Variants in BABAM2 observed in about 807,000 individuals in gnomAD.
BABAM2 encodes the protein BRISC and BRCA1-A complex member 2.
A neutral mutation model predicts 54.7 loss-of-function variants in BABAM2; 31 were observed. That is an observed-to-expected ratio of 0.57 (90% CI 0.43 to 0.77). The LOEUF (loss-of-function observed/expected upper bound fraction) is 0.77, where lower values mean the gene tolerates loss of function less well. BABAM2 is among the 30% of genes least tolerant of loss of function. The pLI is 0.00. For synonymous variants in BABAM2, 167 were observed against 162.9 expected (o/e 1.03, Z -0.19); for missense variants, 364 against 455.8 (o/e 0.80, Z 1.83).
chr2:28,140,601 A>G (rs1296533037), intron 7 of BABAM2, among the ~76,000 whole-genome samples: 1 of 152,206 alleles, frequency 6.6e-6, no homozygotes, highest in Non-Finnish European at 1.5e-5. Context: ...TTAGCATTTC[A>G]TATTAATAAA....
At chr2:28,258,239 T>C (rs1259751872) in intron 10 of BABAM2, among the ~76,000 whole-genome samples, 1 of 152,168 alleles carries the variant, frequency 6.6e-6, no homozygotes, top group Non-Finnish European at 1.5e-5. Context: ...TTGAACGTAA[T>C]TCAAGTGCAA....
At chr2:28,283,816 G>A (rs937312553) in intron 10 of BABAM2, among the ~76,000 whole-genome samples, 1 of 152,174 alleles carries the variant, frequency 6.6e-6, no homozygotes, top group African/African-American at 2.4e-5. Flanking sequence ...GAGTCATTTA[G>A]AAAGGGATAG....
chr2:28,148,848 G>A (rs925902620), intron 7 of BABAM2, among the ~76,000 whole-genome samples: 2 of 152,234 alleles, frequency 1.3e-5, no homozygotes, highest in Non-Finnish European at 2.9e-5. Flanking sequence ...AGTGAGCACA[G>A]TGCACACAAA....
At chr2:28,137,381 A>G (rs1055730429) in intron 7 of BABAM2, among the ~76,000 whole-genome samples, 1 of 152,184 alleles carries the variant, frequency 6.6e-6, no homozygotes, top group Admixed American at 6.5e-5. Context: ...ATTTTGGTAG[A>G]GAGAGCTGTC....
intron 7 of BABAM2, among the ~76,000 whole-genome samples, chr2:28,135,323 A>G (rs1313510727): frequency 6.6e-6 from 1 of 152,220 alleles, no homozygotes; most frequent in African/African-American, 2.4e-5. Flanking sequence ...TCCTCATGAT[A>G]GTATGTCTAT....
chr2:28,016,083 C>A, intron 4 of BABAM2: 1 of 812,806 alleles, frequency 1.2e-6, no homozygotes, highest in Non-Finnish European at 2.0e-6. Flanking sequence ...GTGAACGGTT[C>A]TTTTTCTTTC....
intron 11 of BABAM2, among the ~76,000 whole-genome samples, chr2:28,313,634 T>C (rs1689267140): frequency 6.6e-6 from 1 of 152,170 alleles, no homozygotes; most frequent in South Asian, 2.1e-4. Context: ...ATTGTGAGAA[T>C]TGGGCAGAAC....
rs1476071624 is a variant in BABAM2, at chr2:28,322,811, G to A, written c.1089-15639G>A. 3.3e-5 allele frequency among the ~76,000 whole-genome samples: 5 copies of A among 152,244 alleles called. No homozygotes were observed. Among genetic ancestry groups the A allele is most frequent in the African/African-American group, 1.2e-4 (5 of 41,462 alleles). On this transcript the variant is annotated intron_variant, in intron 11 of 11. Coordinates refer to ENST00000379624, the MANE Select transcript of BABAM2 (RefSeq NM_199191.3). This position sits in a 1 kb window ranked among gnomAD's most constrained non-coding sequence, Gnocchi z 4.1. ...TCCTGCTTAGCTGACTGCCAGACTT[G>A]CAAAGGGGAATTAATTATTGTTTGT... is the stretch of plus-strand genomic sequence containing the variant.
In BABAM2 at chr2:28,115,197, ACACACACACAC is replaced by A. The variant is rs1283367434; in HGVS notation, c.571-14073_571-14063del. Among the ~76,000 whole-genome samples, 6 of 150,152 alleles carry A rather than the reference ACACACACACAC, an allele frequency of 4.0e-5. No individual in the cohort carries two copies. The East Asian group carries it at 1.2e-3, about 29-fold the overall frequency. The stretch of plus-strand genomic sequence containing the variant: ...ATAACTTTAAAACACACACACACAC[ACACACACACAC>A]ACACACACACACACACAAACCAATC... On this transcript the variant is annotated intron_variant, in intron 6 of 11. Transcript: ENST00000379624.
chr2:28,061,305 G>T (rs780895087), intron 6 of BABAM2, among the ~76,000 whole-genome samples: 1 of 151,808 alleles, frequency 6.6e-6, no homozygotes, highest in Non-Finnish European at 1.5e-5. Flanking sequence ...AAGAGAAAAG[G>T]CCTGGTGCGG....
intron 11 of BABAM2, among the ~76,000 whole-genome samples, chr2:28,317,286 A>C (rs1689638873): frequency 6.6e-6 from 1 of 152,206 alleles, no homozygotes; most frequent in South Asian, 2.1e-4. Context: ...CCTTGGTTTC[A>C]GGGGAATAAT....
At chr2:28,299,040 A>AG (rs1313673459) in intron 11 of BABAM2, among the ~76,000 whole-genome samples, 2 of 152,180 alleles carry the variant, frequency 1.3e-5, no homozygotes, top group Admixed American at 1.3e-4. Context: ...CAACACCTGG[A>AG]GCCGGTAGCT....
At chr2:28,123,948 G>A (rs989080418) in intron 6 of BABAM2, among the ~76,000 whole-genome samples, 7 of 152,158 alleles carry the variant, frequency 4.6e-5, no homozygotes, top group Non-Finnish European at 4.4e-5. Context: ...TATTGAAATA[G>A]TAGTGAAATT....
chr2:28,256,430 C>T (rs1683978050), intron 10 of BABAM2, among the ~76,000 whole-genome samples: 1 of 152,126 alleles, frequency 6.6e-6, no homozygotes, highest in Non-Finnish European at 1.5e-5. Flanking sequence ...CAAAGATACA[C>T]ATTTATGTAA....
intron 7 of BABAM2, among the ~76,000 whole-genome samples, chr2:28,181,429 A>G (rs1381262081): frequency 6.6e-6 from 1 of 152,218 alleles, no homozygotes; most frequent in Non-Finnish European, 1.5e-5. Context: ...AGTTAATCTC[A>G]TGGAGGTAGA....
intron 6 of BABAM2, among the ~76,000 whole-genome samples, chr2:28,051,125 T>A (rs944261352): frequency 1.3e-5 from 2 of 152,340 alleles, no homozygotes; most frequent in East Asian, 3.9e-4. Flanking sequence ...GTTAGTCTCC[T>A]GTAACGTTTC....
At chr2:27,930,188 G>A (rs767529471) in intron 3 of BABAM2, 219 of 315,580 alleles carry the variant, frequency 6.9e-4, no homozygotes, top group South Asian at 1.2e-3. Context: ...CGGCTTTTAC[G>A]TAATACTCAA....
At chr2:28,111,209 C>G (rs1337949371) in intron 6 of BABAM2, among the ~76,000 whole-genome samples, 1 of 151,498 alleles carries the variant, frequency 6.6e-6, no homozygotes, top group Non-Finnish European at 1.5e-5. Context: ...TCTCGAACCC[C>G]TGACCTTGCA....
chr2:28,225,962 T>A (rs1680844566), intron 7 of BABAM2, among the ~76,000 whole-genome samples: 1 of 152,148 alleles, frequency 6.6e-6, no homozygotes, highest in Admixed American at 6.5e-5. Flanking sequence ...ATTTCTATAA[T>A]CCTAGATCAA....
Sources: gnomAD v4.1 joint callset for allele counts (sites outside exome capture counted in the v4.1 genomes callset) on GRCh38, gnomAD v4.1.1 for gene constraint, Gnocchi (gnomAD v3.1) non-coding constraint, MANE v1.5 for transcripts, NCBI Gene and HGNC (gene_info 2026-07-23, HGNC 2026-07-21) for gene names.